PAFAH1B1: variants seen among roughly 807,000 people sequenced by gnomAD.
PAFAH1B1 encodes platelet activating factor acetylhydrolase 1b regulatory subunit 1.
PAFAH1B1 carries 2 observed loss-of-function variants against 57.5 expected under a neutral mutation model. The ratio of observed to expected loss-of-function variants is 0.03; its 90% confidence interval spans 0.01 to 0.11. The LOEUF is 0.11. PAFAH1B1 is among the 10% of genes least tolerant of loss of function. The pLI is 1.00. For synonymous variants in PAFAH1B1, 152 were observed against 169.6 expected, an observed-to-expected ratio of 0.90 and a Z score of 0.81; for missense variants, 257 against 512.0, an observed-to-expected ratio of 0.50 and a Z score of 4.81.
intron 1 of PAFAH1B1, among the ~76,000 whole-genome samples, chr17:2,620,190 A>G (rs1323678035): frequency 1.3e-5 from 2 of 152,166 alleles, no homozygotes; most frequent in Non-Finnish European, 1.5e-5. Context: ...GTAGCTTAGA[A>G]CTTTAGGTGA....
At chr17:2,681,706 TA>T in intron 10 of PAFAH1B1, 22 bp from the exon 11 acceptor site, 2 of 1,596,686 alleles carry the variant, frequency 1.3e-6, no homozygotes, top group Non-Finnish European at 1.7e-6. Context: ...GAGTTTTAAA[TA>T]AACCATTTCT....
intron 1 of PAFAH1B1, among the ~76,000 whole-genome samples, chr17:2,629,305 T>C (rs578153631): frequency 2.6e-5 from 4 of 152,176 alleles, no homozygotes; most frequent in Middle Eastern, 3.2e-3. Flanking sequence ...TTATTGTCAT[T>C]CAGTTCAAAG....
At chr17:2,621,607 C>CTTTTTTTTT (rs534219431) in intron 1 of PAFAH1B1, among the ~76,000 whole-genome samples, 4 of 84,784 alleles carry the variant, frequency 4.7e-5, no homozygotes, top group African/African-American at 2.0e-4. Flanking sequence ...GATAATCTGT[C>CTTTTTTTTT]TTTTTTTTTT....
intron 2 of PAFAH1B1, chr17:2,640,873 T>C (rs2068686759): frequency 6.6e-6 from 1 of 152,158 alleles, no homozygotes; most frequent in African/African-American, 2.4e-5. Context: ...TCAACCAAGA[T>C]GATTGATTTT....
chr17:2,610,792 A>G (rs2068259426), intron 1 of PAFAH1B1, among the ~76,000 whole-genome samples: 2 of 152,208 alleles, frequency 1.3e-5, no homozygotes, highest in South Asian at 2.1e-4. Context: ...ATCCTCTTCA[A>G]CATCTTTAAG....
intron 1 of PAFAH1B1, among the ~76,000 whole-genome samples, chr17:2,621,343 G>A (rs1423359364): frequency 6.6e-6 from 1 of 152,104 alleles, no homozygotes; most frequent in African/African-American, 2.4e-5. Context: ...TTGCAATCCT[G>A]TGTTAGTTTG....
At chr17:2,614,337 T>G (rs2068310827) in intron 1 of PAFAH1B1, among the ~76,000 whole-genome samples, 2 of 152,248 alleles carry the variant, frequency 1.3e-5, no homozygotes, top group Non-Finnish European at 2.9e-5. Context: ...GTATATTGTT[T>G]ATTGTTGCTT....
chr17:2,621,051 A>G (rs1360109815), intron 1 of PAFAH1B1, among the ~76,000 whole-genome samples: 1 of 152,230 alleles, frequency 6.6e-6, no homozygotes. Flanking sequence ...TATATCTGTG[A>G]TATGAATAGT....
intron 9 of PAFAH1B1, among the ~76,000 whole-genome samples, chr17:2,678,510 G>T (rs2151671796): frequency 6.6e-6 from 1 of 151,910 alleles, no homozygotes; most frequent in South Asian, 2.1e-4. Context: ...AGGTTGCAGT[G>T]AGCCGAGATC....
At chr17:2,648,341 C>T (rs537602412) in intron 2 of PAFAH1B1, among the ~76,000 whole-genome samples, 1 of 152,064 alleles carries the variant, frequency 6.6e-6, no homozygotes, top group South Asian at 2.1e-4. Context: ...AACCCTATCA[C>T]CAAGTATAAT....
chr17:2,623,981 A>G (rs946909180), intron 1 of PAFAH1B1, among the ~76,000 whole-genome samples: 9 of 152,164 alleles, frequency 5.9e-5, no homozygotes, highest in Non-Finnish European at 1.0e-4. Context: ...TCAAACACCC[A>G]GGTCACCTTT....
chr17:2,595,074 T>C (rs943054486), intron 1 of PAFAH1B1, among the ~76,000 whole-genome samples: 1 of 152,162 alleles, frequency 6.6e-6, no homozygotes, highest in African/African-American at 2.4e-5. Context: ...TATCAGTCTT[T>C]TGGTTAAGAA....
chr17:2,653,954 G>A (rs942424906), intron 2 of PAFAH1B1, among the ~76,000 whole-genome samples: 4 of 151,598 alleles, frequency 2.6e-5, no homozygotes, highest in African/African-American at 7.3e-5. Flanking sequence ...GATTACAGGC[G>A]CGTGCCACCA....
At chr17:2,618,463 A>C (rs2068375781) in intron 1 of PAFAH1B1, among the ~76,000 whole-genome samples, 1 of 152,178 alleles carries the variant, frequency 6.6e-6, no homozygotes, top group African/African-American at 2.4e-5. Flanking sequence ...GATTGATCTA[A>C]GGAAATGAAG....
chr17:2,676,657 T>A, intron 9 of PAFAH1B1, 51 bp downstream of exon 9: 1 of 1,028,166 alleles, frequency 9.7e-7, no homozygotes. Context: ...TGTTTATACC[T>A]TTTTGGATTA....
rs1030536153 is a variant in PAFAH1B1 at position 2,670,329 on chromosome 17, A to C, written c.566A>C (p.His189Pro). ...GGCTTTGAATGCATCAGAACCATGC[A>C]CGGTAAGGGGTAGAGGATAGTGCTT... The part of the protein sequence containing the change: ...FQGFECIRTM[H>P]GHDHNVSSVA... Residue 189 changes from histidine (H) to proline (P), a missense_variant and splice_region_variant, in exon 6 of 11, where the codon CAC becomes CCC. His to Pro is a moderately conservative substitution (Grantham distance 77, BLOSUM62 -2). Transcript: ENST00000397195. 1.1e-5 allele frequency: 17 copies of C among 1,612,990 alleles called. No individual in the cohort carries two copies. The highest frequency in any genetic ancestry group is 1.4e-5 in the Non-Finnish European group (16 of 1,179,062).
intron 2 of PAFAH1B1, among the ~76,000 whole-genome samples, chr17:2,664,665 G>GCGCGCGCGCTCTCTCTCT: frequency 1.2e-5 from 1 of 86,028 alleles, no homozygotes; most frequent in African/African-American, 3.9e-5. Flanking sequence ...TCTATCTATC[G>GCGCGCGCGCTCTCTCTCT]CTCTCTCTCT....
At chr17:2,599,835 TAAA>T (rs1214680603) in intron 1 of PAFAH1B1, among the ~76,000 whole-genome samples, 2 of 152,238 alleles carry the variant, frequency 1.3e-5, no homozygotes, top group South Asian at 2.1e-4. Flanking sequence ...CTGAGGCCAT[TAAA>T]AAATTTTCTG....
At chr17:2,614,490 A>G (rs746052111) in intron 1 of PAFAH1B1, among the ~76,000 whole-genome samples, 28 of 152,224 alleles carry the variant, frequency 1.8e-4, no homozygotes, top group Admixed American at 6.5e-4. Context: ...CAAACTTAAT[A>G]TAGATGCAAA....
Sources: gnomAD v4.1 joint callset for allele counts (sites outside exome capture counted in the v4.1 genomes callset) on GRCh38, gnomAD v4.1.1 for gene constraint, MANE v1.5 for transcripts, NCBI Gene and HGNC (gene_info 2026-07-23, HGNC 2026-07-21) for gene names.